TMEM131: variants seen among roughly 807,000 people sequenced by gnomAD.
The protein encoded by TMEM131 is transmembrane protein 131.
Under a neutral mutation model 211.6 loss-of-function variants are expected in TMEM131, and 66 were observed. The observed-to-expected ratio is 0.31, with a 90% CI of 0.26 to 0.38. The LOEUF is 0.38. TMEM131 is among the 10% of genes least tolerant of loss of function. The pLI, the probability that TMEM131 is intolerant of heterozygous loss-of-function variation, is 1.00. For missense variants in TMEM131, 2,036 were observed against 2,299.3 expected (o/e 0.89, Z 2.34); for synonymous variants, 844 against 841.3 (o/e 1.00, Z -0.06).
intron 11 of TMEM131, among the ~76,000 whole-genome samples, chr2:97,821,622 A>T (rs943712073): frequency 6.6e-6 from 1 of 152,304 alleles, no homozygotes; most frequent in South Asian, 2.1e-4. Flanking sequence ...TTCCGGACAC[A>T]TTTTGGCGAC....
chr2:97,950,063 T>C (rs1678231813), intron 1 of TMEM131, among the ~76,000 whole-genome samples: 1 of 152,156 alleles, frequency 6.6e-6, no homozygotes, highest in South Asian at 2.1e-4. Flanking sequence ...TTTGTGAGGA[T>C]GATGGCTACC....
At chr2:97,975,734 A>C (rs1176054667) in intron 1 of TMEM131, among the ~76,000 whole-genome samples, 1 of 152,002 alleles carries the variant, frequency 6.6e-6, no homozygotes, top group Non-Finnish European at 1.5e-5. Flanking sequence ...CTTCCAAAAA[A>C]TTAAAAAGGA....
intron 1 of TMEM131, among the ~76,000 whole-genome samples, chr2:97,969,425 T>C (rs1307858834): frequency 6.6e-6 from 1 of 152,188 alleles, no homozygotes; most frequent in Non-Finnish European, 1.5e-5. Context: ...CATTAGTCTG[T>C]TACTTCTTTC....
chr2:97,836,778 T>A (rs1682960640), intron 8 of TMEM131, among the ~76,000 whole-genome samples: 1 of 152,168 alleles, frequency 6.6e-6, no homozygotes, highest in Non-Finnish European at 1.5e-5. Context: ...TCATAAATTA[T>A]CAGACTCAGA....
rs1040892901 is a variant in TMEM131 at position 97,772,427 on chromosome 2, G to A, written c.4321-3C>T. 6.2e-7 allele frequency: 1 copy of A among 1,608,426 alleles called. No homozygotes were observed. The highest frequency in any genetic ancestry group is 1.3e-5 in the African/African-American group (1 of 74,482). ...TTTCCCTTTTGCTTTTCTGTATCCT[G>A]TAAAAAATGGACACTTAATTGCTGA... On this transcript the variant is annotated splice_region_variant and splice_polypyrimidine_tract_variant and intron_variant, in intron 32 of 40. Transcript: ENST00000186436.
intron 2 of TMEM131, among the ~76,000 whole-genome samples, chr2:97,920,523 T>C (rs952780726): frequency 5.9e-5 from 9 of 152,188 alleles, no homozygotes; most frequent in African/African-American, 1.9e-4. Context: ...GCTCAGATGA[T>C]AGTTTATGGA....
chr2:97,835,836 T>G (rs1682916384), intron 8 of TMEM131, among the ~76,000 whole-genome samples: 1 of 152,166 alleles, frequency 6.6e-6, no homozygotes, highest in South Asian at 2.1e-4. Flanking sequence ...GGCTTTTTTC[T>G]CAGTCTAGGT....
chr2:97,864,373 A>G (rs1674189068), intron 4 of TMEM131, among the ~76,000 whole-genome samples: 1 of 152,222 alleles, frequency 6.6e-6, no homozygotes, highest in Admixed American at 6.5e-5. Context: ...AATAACTACA[A>G]TAATATAAAT....
chr2:97,809,852 G>A (rs1395276659), intron 18 of TMEM131, 78 bp from the exon 19 acceptor site: 2 of 1,193,888 alleles, frequency 1.7e-6, no homozygotes, highest in Non-Finnish European at 2.4e-6. Context: ...TTATATTTTG[G>A]GGTTAACCTA....
intron 4 of TMEM131, among the ~76,000 whole-genome samples, chr2:97,865,150 A>C (rs1402172721): frequency 6.6e-6 from 1 of 152,250 alleles, no homozygotes; most frequent in Non-Finnish European, 1.5e-5. Context: ...AGAGACAAAG[A>C]CCAGGGCTTG....
intron 1 of TMEM131, among the ~76,000 whole-genome samples, chr2:97,986,954 T>C (rs1015410662): frequency 6.6e-6 from 1 of 152,232 alleles, no homozygotes; most frequent in Non-Finnish European, 1.5e-5. Context: ...CCATGAATAA[T>C]TGCCTAGAAA....
chr2:97,781,797 C>T (rs1680016357), intron 31 of TMEM131, among the ~76,000 whole-genome samples: 2 of 152,150 alleles, frequency 1.3e-5, no homozygotes, highest in South Asian at 2.1e-4. Flanking sequence ...TTCTTTTTGC[C>T]ACACACATCC....
At chr2:97,774,350 G>C (rs1399692906) in intron 32 of TMEM131, among the ~76,000 whole-genome samples, 1 of 152,236 alleles carries the variant, frequency 6.6e-6, no homozygotes, top group Non-Finnish European at 1.5e-5. Flanking sequence ...CAGAATTGGA[G>C]AAGACATGCA....
chr2:97,952,164 A>C (rs549000587), intron 1 of TMEM131, among the ~76,000 whole-genome samples: 168 of 152,192 alleles, frequency 1.1e-3, no homozygotes, highest in Middle Eastern at 3.4e-3. Flanking sequence ...CTCCAAAAAA[A>C]AAAAAAAGAA....
At position 97,895,441 on chromosome 2, in the gene TMEM131, T is replaced by C. The variant is rs143485824; in HGVS notation, c.291-7321A>G. ...TTGATTGGAATAGTTTCAGAAGGAA[T>C]GGTACCAGCTCCTCTTTGTACCTCT... On this transcript the variant is annotated intron_variant, in intron 3 of 40. Transcript: ENST00000186436. Among the ~76,000 whole-genome samples the C allele has an allele frequency of 1.9e-3, 295 of 152,356 alleles. 1 individual carries two copies. The highest frequency in any genetic ancestry group is 6.7e-3 in the African/African-American group (278 of 41,578).
At position 97,995,519 on chromosome 2, in the gene TMEM131, C is replaced by G; in HGVS notation, c.144G>C (p.Leu48=). ...CCGCAGCCACTACGAGGGTCATCAC[C>G]AGGTGCAGCGCGCCTAGGAGGCCGG... is the stretch of plus-strand genomic sequence containing the variant. ...AAAGLLGALH[L]VMTLVVAAAR... is the part of the protein sequence containing the mutation. Residue 48 remains leucine, a synonymous_variant, in exon 1 of 41, where the codon CTG becomes CTC. Coordinates refer to ENST00000186436, the MANE Select transcript of TMEM131 (RefSeq NM_015348.2). 1 of 1,409,956 alleles carries G rather than the reference C, an allele frequency of 7.1e-7. No individual in the cohort carries two copies. Among genetic ancestry groups the G allele is most frequent in the Non-Finnish European group, 9.3e-7 (1 of 1,076,176 alleles). The allele number at this position is 1,409,956 out of a possible 1,614,324, so 87.3% of individuals were successfully genotyped here. A position where few individuals can be genotyped will look rare whatever the true frequency, so the allele number is the denominator to read the frequency against.
intron 31 of TMEM131, among the ~76,000 whole-genome samples, chr2:97,780,034 CAAAACAAACAA>C (rs1219335479): frequency 2.6e-5 from 4 of 151,220 alleles, no homozygotes; most frequent in Non-Finnish European, 5.9e-5. Flanking sequence ...AAAACAAAAA[CAAAACAAACAA>C]AAAACAAACA....
chr2:97,866,129 G>A (rs1239956336), intron 4 of TMEM131, among the ~76,000 whole-genome samples: 1 of 152,190 alleles, frequency 6.6e-6, no homozygotes, highest in African/African-American at 2.4e-5. Flanking sequence ...TGATCCGCCT[G>A]CCTCGCCTCC....
At chr2:97,915,468 C>T (rs543175430) in intron 2 of TMEM131, among the ~76,000 whole-genome samples, 1 of 152,142 alleles carries the variant, frequency 6.6e-6, no homozygotes, top group East Asian at 1.9e-4. Flanking sequence ...TACAGGTGCA[C>T]ACCACCACAC....
Sources: allele counts gnomAD v4.1 joint callset (sites outside exome capture counted in the v4.1 genomes callset), GRCh38; gene constraint gnomAD v4.1.1; transcripts MANE v1.5; gene names NCBI Gene and HGNC (gene_info 2026-07-23, HGNC 2026-07-21).